Variants in ABR observed in about 807,000 individuals in gnomAD.
ABR encodes the protein active breakpoint cluster region-related protein.
Under a neutral mutation model 107.2 loss-of-function variants are expected in ABR, and 35 were observed. The observed-to-expected ratio is 0.33, with a 90% CI of 0.25 to 0.43. ABR has a LOEUF of 0.43. Ranked by LOEUF, ABR falls within the 20% of genes least tolerant of loss-of-function variation. ABR has a pLI of 1.00. For synonymous variants in ABR, 498 were observed against 462.0 expected (o/e 1.08, Z -1.00); for missense variants, 815 against 1,115.2 (o/e 0.73, Z 3.83).
At chr17:1,077,019 C>T (rs886647876) in intron 6 of ABR, among the ~76,000 whole-genome samples, 2 of 152,192 alleles carry the variant, frequency 1.3e-5, no homozygotes, top group South Asian at 4.1e-4. Context: ...GAGTTAACTG[C>T]TTTGCTCTCA....
intron 16 of ABR, among the ~76,000 whole-genome samples, chr17:1,029,608 C>T (rs562452285): frequency 6.6e-6 from 1 of 152,246 alleles, no homozygotes; most frequent in Non-Finnish European, 1.5e-5. Flanking sequence ...TACCAGGCAC[C>T]CTTCCCTTAC....
rs919092084 is a variant in ABR, at chr17:1,004,875, A to G, written c.*1205T>C. The G allele has an allele frequency of 1.5e-5, 6 of 396,508 alleles. No individual in the cohort carries two copies. The highest frequency in any genetic ancestry group is 2.7e-5 in the Non-Finnish European group (6 of 225,104). The allele number at this position is 396,508 out of a possible 1,614,324, so 24.6% of individuals were successfully genotyped here. On this transcript the variant is annotated 3_prime_UTR_variant, in exon 23 of 23. Coordinates refer to ENST00000302538, the MANE Select transcript of ABR (RefSeq NM_021962.5). ...GCCTTTGCTTCCCAGGTCCTGGAGG[A>G]CCGTGGCAGTGCTTGGCTGTGGAGT...
upstream of ABR, among the ~76,000 whole-genome samples, chr17:1,188,295 A>G (rs1331854822): frequency 6.6e-6 from 1 of 152,212 alleles, no homozygotes; most frequent in Admixed American, 6.5e-5. Context: ...TTATGCCTGT[A>G]ATCCCAGCAC....
At position 1,006,271 on chromosome 17, in the gene ABR, G is replaced by A. The variant is rs1597323352; in HGVS notation, c.2491-102C>T. On this transcript the variant is annotated intron_variant, in intron 22 of 22. Transcript: ENST00000302538. ...CCTCCCACTCCCTAGACTGGCTCCG[G>A]CCACCGCCCCTTCCTGGGGAGCCCA... 2.3e-5 allele frequency: 25 copies of A among 1,067,036 alleles called. 1 individual carries two copies. In the South Asian group the frequency reaches 3.4e-4, roughly 14 times the overall value. 66.1% of individuals were successfully genotyped at this position (1,067,036 alleles called of 1,614,324 possible).
At chr17:1,180,030 C>A (rs2042074150), upstream of ABR, among the ~76,000 whole-genome samples, 1 of 53,984 alleles carries the variant, frequency 1.9e-5, no homozygotes, top group South Asian at 6.1e-4. Flanking sequence ...TGGGGCGGGG[C>A]TTTGGTGCGG....
chr17:1,047,406 C>G (rs1431051517), intron 16 of ABR, among the ~76,000 whole-genome samples: 1 of 152,238 alleles, frequency 6.6e-6, no homozygotes, highest in African/African-American at 2.4e-5. Flanking sequence ...GCCTGGCCAT[C>G]CACGGTGGCT....
chr17:1,223,251 G>C (rs934161196), intron 1 of ABR, among the ~76,000 whole-genome samples: 1 of 151,224 alleles, frequency 6.6e-6, no homozygotes, highest in East Asian at 1.9e-4. Flanking sequence ...GCGGGCACCA[G>C]TAATCTCAGC....
rs995606827 is a variant in ABR at position 1,157,461 on chromosome 17, G to T, written c.61+22206C>A. 6.6e-6 allele frequency among the ~76,000 whole-genome samples: 1 copy of T among 152,138 alleles called. No individual in the cohort carries two copies. Among genetic ancestry groups the T allele is most frequent in the Non-Finnish European group, 1.5e-5 (1 of 68,030 alleles). On this transcript the variant is annotated intron_variant, in intron 1 of 22. Coordinates refer to ENST00000302538, the MANE Select transcript of ABR (RefSeq NM_021962.5). This position sits in a 1 kb window ranked among gnomAD's most constrained non-coding sequence, Gnocchi z 4.7. Reference sequence around the variant, plus strand: ...AGACAGGGTCTCACCATGTTGGCCAGGCTGGTCTCGAACTCCTGACCTCAT... The same window carrying T: ...AGACAGGGTCTCACCATGTTGGCCATGCTGGTCTCGAACTCCTGACCTCAT...
At chr17:1,123,597 C>T (rs1363563453) in intron 2 of ABR, among the ~76,000 whole-genome samples, 4 of 152,266 alleles carry the variant, frequency 2.6e-5, no homozygotes, top group East Asian at 1.9e-4. Context: ...AGGGAGGTGG[C>T]GCGGGGACAG....
chr17:1,113,802 T>G (rs1467948278), intron 2 of ABR, among the ~76,000 whole-genome samples: 1 of 152,234 alleles, frequency 6.6e-6, no homozygotes. Context: ...GAAAGTCTCC[T>G]CTGGTTCCCT....
intron 16 of ABR, among the ~76,000 whole-genome samples, chr17:1,032,579 C>CCTTGAGAGAG (rs1567616413): frequency 1.5e-5 from 2 of 131,490 alleles, no homozygotes; most frequent in East Asian, 2.3e-4. Flanking sequence ...GTGCTGGGCG[C>CCTTGAGAGAG]AGAGGACGCC....
At chr17:1,228,997 G>C (rs1256758243) in exon 1 of ABR, 1 of 151,718 alleles carries the variant, frequency 6.6e-6, no homozygotes, top group Non-Finnish European at 1.5e-5. Flanking sequence ...CGCTGCTCCA[G>C]GTCGCGGGTC....
intron 16 of ABR, among the ~76,000 whole-genome samples, chr17:1,040,905 G>A (rs545887639): frequency 9.2e-5 from 14 of 152,256 alleles, no homozygotes; most frequent in Admixed American, 1.3e-4. Context: ...ACTGGCTAAC[G>A]ATCCAAGTTC....
At chr17:1,081,848 A>G (rs2151248137) in intron 5 of ABR, among the ~76,000 whole-genome samples, 1 of 152,326 alleles carries the variant, frequency 6.6e-6, no homozygotes, top group South Asian at 2.1e-4. Context: ...AAGTGCTGGG[A>G]TGACAGGTGT....
chr17:1,062,499 T>C (rs74780599), intron 10 of ABR, among the ~76,000 whole-genome samples: 20 of 121,264 alleles, frequency 1.6e-4, no homozygotes, highest in African/African-American at 6.1e-4. Flanking sequence ...ACTGTTGTTA[T>C]GTGAACTGAG....
chr17:1,109,161 G>A (rs1043057770), intron 2 of ABR: 3 of 908,964 alleles, frequency 3.3e-6, no homozygotes, highest in Middle Eastern at 3.4e-4. Context: ...GGGAGGGGGG[G>A]CAGGTCTACA....
intron 7 of ABR, among the ~76,000 whole-genome samples, 158 bp downstream of exon 7, chr17:1,073,467 G>A (rs142806802): frequency 7.4e-4 from 112 of 152,102 alleles, no homozygotes; most frequent in African/African-American, 2.6e-3. Flanking sequence ...CTAGCCTGGC[G>A]GCATGGATAC....
At chr17:1,068,529 C>T (rs951399833) in intron 9 of ABR, among the ~76,000 whole-genome samples, 2 of 152,212 alleles carry the variant, frequency 1.3e-5, no homozygotes, top group South Asian at 2.1e-4. Context: ...GGGTTTGAAT[C>T]CAGACTGCCG....
intron 16 of ABR, among the ~76,000 whole-genome samples, chr17:1,049,388 G>A (rs191935980): frequency 2.9e-4 from 44 of 152,046 alleles, no homozygotes; most frequent in Non-Finnish European, 5.6e-4. Flanking sequence ...GGCTGGTCTC[G>A]AACTCCTGAC....
Sources: allele counts gnomAD v4.1 joint callset (sites outside exome capture counted in the v4.1 genomes callset), GRCh38; gene constraint gnomAD v4.1.1; non-coding constraint Gnocchi (gnomAD v3.1); transcripts MANE v1.5; gene names NCBI Gene and HGNC (gene_info 2026-07-23, HGNC 2026-07-21).